The following VPS13D variants were observed in gnomAD, a reference collection of about 807,000 sequenced individuals.
VPS13D encodes vacuolar protein sorting 13 homolog D.
Under a neutral mutation model 461.9 loss-of-function variants are expected in VPS13D, and 187 were observed. That is an observed-to-expected ratio of 0.40 (90% CI 0.36 to 0.46). The LOEUF is 0.46. Ranked by LOEUF, VPS13D falls within the 20% of genes least tolerant of loss-of-function variation. The pLI is 0.60. For synonymous variants in VPS13D, 1,951 were observed against 1,986.3 expected (o/e 0.98, Z 0.47); for missense variants, 4,711 against 5,364.9 (o/e 0.88, Z 3.81).
intron 24 of VPS13D, among the ~76,000 whole-genome samples, chr1:12,297,125 G>A (rs970938578): frequency 1.3e-5 from 2 of 152,128 alleles, no homozygotes; most frequent in Non-Finnish European, 2.9e-5. Context: ...AGATTAAGAG[G>A]CTATTTTGTT....
At chr1:12,422,947 T>C (rs1322249142) in intron 65 of VPS13D, among the ~76,000 whole-genome samples, 2 of 151,976 alleles carry the variant, frequency 1.3e-5, no homozygotes, top group Non-Finnish European at 2.9e-5. Flanking sequence ...TACTGCTGAC[T>C]TCCCACCAGA....
chr1:12,252,239 C>T (rs957817737), intron 6 of VPS13D, among the ~76,000 whole-genome samples: 5 of 152,144 alleles, frequency 3.3e-5, no homozygotes, highest in African/African-American at 9.7e-5. Context: ...AGGGAAGACA[C>T]TATTCAACCT....
chr1:12,478,079 C>T (rs1645657639), intron 67 of VPS13D, among the ~76,000 whole-genome samples: 1 of 152,238 alleles, frequency 6.6e-6, no homozygotes, highest in South Asian at 2.1e-4. Flanking sequence ...CATTCAGGAG[C>T]AGCTCGGGGC....
In VPS13D at chr1:12,311,632, G is replaced by A. The variant is rs1642752161; in HGVS notation, c.6822+7G>A. The A allele has an allele frequency of 1.2e-6, 2 of 1,613,710 alleles. No homozygotes were observed. The highest frequency in any genetic ancestry group is 1.1e-5 in the South Asian group (1 of 91,054). On this transcript the variant is annotated splice_region_variant and intron_variant, in intron 28 of 69. Coordinates refer to ENST00000620676, the MANE Select transcript of VPS13D (RefSeq NM_015378.4). ...ACAAGATCCAAGAATTCATGTGAGTGAGACCTTATGTTCTTCTGTCACTCT... is the reference window on the plus strand; with the variant it reads ...ACAAGATCCAAGAATTCATGTGAGTAAGACCTTATGTTCTTCTGTCACTCT...
Position 12,256,495 on chromosome 1 carries a change from C to G in VPS13D, c.832C>G (p.Leu278Val), listed in dbSNP as rs757588941. ...DIQLETIPLKLSQLQYRQIME... is the reference protein window; with the variant it reads ...DIQLETIPLKVSQLQYRQIME... Reference sequence around the variant, plus strand: ...TCAGCTGGAGACCATTCCCTTGAAACTCTCTCAGGTATGCCCTTTCTTCTC... The same window carrying G: ...TCAGCTGGAGACCATTCCCTTGAAAGTCTCTCAGGTATGCCCTTTCTTCTC... The change falls in exon 8 of 70, where the codon CTC becomes GTC. Residue 278 changes from leucine to valine, a missense_variant. Leu to Val is a conservative substitution (Grantham distance 32). Around this residue, in one of 3 missense-constraint regions of VPS13D, gnomAD observed 4,411 missense variants for 4,937.8 expected, o/e 0.89. Transcript: ENST00000620676. The G allele has an allele frequency of 1.9e-6, 3 of 1,613,926 alleles. No homozygotes were observed. The highest frequency in any genetic ancestry group is 2.5e-6 in the Non-Finnish European group (3 of 1,179,974).
intron 67 of VPS13D, 53 bp from the exon 68 acceptor site, chr1:12,497,447 C>T: frequency 6.4e-7 from 1 of 1,556,090 alleles, no homozygotes; most frequent in African/African-American, 1.4e-5. Flanking sequence ...AAAGGAAAAT[C>T]ATTTTAACCT....
At chr1:12,413,304 C>T (rs1315938238) in intron 63 of VPS13D, among the ~76,000 whole-genome samples, 2 of 150,786 alleles carry the variant, frequency 1.3e-5, no homozygotes, top group Non-Finnish European at 2.9e-5. Flanking sequence ...CAAAGTGAGA[C>T]CCTGTCTCTC....
chr1:12,243,011 G>A (rs1385585176), intron 3 of VPS13D, among the ~76,000 whole-genome samples: 8 of 150,360 alleles, frequency 5.3e-5, no homozygotes, highest in Admixed American at 5.3e-4. Context: ...GGAGTGCCGT[G>A]GTGCGATCTC....
intron 67 of VPS13D, among the ~76,000 whole-genome samples, chr1:12,492,134 G>A (rs1645891375): frequency 6.6e-6 from 1 of 152,234 alleles, no homozygotes; most frequent in Non-Finnish European, 1.5e-5. Flanking sequence ...TCAGAGGAAA[G>A]GAACAAAGCC....
intron 65 of VPS13D, among the ~76,000 whole-genome samples, chr1:12,430,469 C>T (rs538122952): frequency 9.2e-5 from 14 of 152,322 alleles, no homozygotes; most frequent in Admixed American, 5.9e-4. Flanking sequence ...AGCACTTTCA[C>T]GTCTGTGAGA....
chr1:12,469,388 G>A (rs963047447), intron 67 of VPS13D, among the ~76,000 whole-genome samples: 1 of 152,240 alleles, frequency 6.6e-6, no homozygotes, highest in Non-Finnish European at 1.5e-5. Flanking sequence ...CAGATTGACT[G>A]TAGAAGCAGA....
chr1:12,266,943 G>C lies in VPS13D; in HGVS notation c.1657G>C (p.Gly553Arg), dbSNP rs1641290738. The C allele has an allele frequency of 6.2e-7, 1 of 1,610,412 alleles. No homozygotes were observed. ...TTCCTCGTTGCTTTCAGTCCGGTTG[G>C]GTGGACTGTTTCTTCGAGACCTGGC... ...RNSSLLSVRL[G>R]GLFLRDLATE... Residue 553 changes from glycine (G) to arginine (R), a missense_variant, in exon 14 of 70, where the codon GGT (glycine) becomes CGT (arginine). By Grantham distance (125) the Gly-to-Arg change is moderately radical. Coordinates refer to ENST00000620676, the MANE Select transcript of VPS13D (RefSeq NM_015378.4).
chr1:12,400,925 G>C (rs1644566792), intron 61 of VPS13D, among the ~76,000 whole-genome samples: 1 of 150,982 alleles, frequency 6.6e-6, no homozygotes, highest in African/African-American at 2.4e-5. Context: ...CTGCACTCCA[G>C]CCTGGGTGAT....
At chr1:12,231,057 G>A (rs988864424) in intron 1 of VPS13D, among the ~76,000 whole-genome samples, 3 of 152,182 alleles carry the variant, frequency 2.0e-5, no homozygotes, top group South Asian at 4.1e-4. Context: ...GCCCAGGTCC[G>A]GTTGCCAGTC....
chr1:12,232,643 T>A (rs926701298), intron 1 of VPS13D, among the ~76,000 whole-genome samples: 2 of 144,898 alleles, frequency 1.4e-5, no homozygotes, highest in Non-Finnish European at 3.0e-5. Flanking sequence ...TAGTCTTTTT[T>A]TTTTTTTTTT....
intron 6 of VPS13D, among the ~76,000 whole-genome samples, chr1:12,249,792 A>G (rs1272231015): frequency 1.3e-5 from 2 of 152,166 alleles, no homozygotes; most frequent in African/African-American, 2.4e-5. Flanking sequence ...CACTCTACAC[A>G]AAAAACAACA....
intron 67 of VPS13D, among the ~76,000 whole-genome samples, chr1:12,487,626 GCAAA>G (rs1229337306): frequency 4.9e-5 from 7 of 143,784 alleles, no homozygotes; most frequent in Admixed American, 7.3e-5. Flanking sequence ...AAAAAAAAAA[GCAAA>G]CAAATCACAA....
At chr1:12,353,585 T>C (rs1643857937) in intron 46 of VPS13D, among the ~76,000 whole-genome samples, 1 of 147,344 alleles carries the variant, frequency 6.8e-6, no homozygotes, top group African/African-American at 2.5e-5. Flanking sequence ...ACATACTGCA[T>C]GATTCCACTT....
chr1:12,245,373 C>A (rs1245442339), intron 5 of VPS13D, among the ~76,000 whole-genome samples: 1 of 152,150 alleles, frequency 6.6e-6, no homozygotes, highest in Admixed American at 6.5e-5. Flanking sequence ...TTTCCTTTGA[C>A]AAACAAATTT....
Sources: gnomAD v4.1 joint callset for allele counts (sites outside exome capture counted in the v4.1 genomes callset) on GRCh38, gnomAD v4.1.1 for gene constraint, gnomAD v4.1.1 regional missense constraint, MANE v1.5 for transcripts, NCBI Gene and HGNC (gene_info 2026-07-23, HGNC 2026-07-21) for gene names.